Variants in PDE4D observed in about 807,000 individuals in gnomAD.
The protein encoded by PDE4D is 3',5'-cyclic-AMP phosphodiesterase 4D.
A neutral mutation model predicts 87.4 loss-of-function variants in PDE4D; 24 were observed. The ratio of observed to expected loss-of-function variants is 0.27; its 90% CI spans 0.20 to 0.39. PDE4D has a LOEUF of 0.39. Among genes scored for constraint, PDE4D ranks in the 10% least tolerant of loss-of-function variants. PDE4D has a pLI of 1.00. For synonymous variants in PDE4D, 384 were observed against 383.2 expected, an observed-to-expected ratio of 1.00 and a Z score of -0.02; for missense variants, 714 against 1,041.0, an observed-to-expected ratio of 0.69 and a Z score of 4.32.
rs575400336 is a variant in PDE4D at position 60,070,882 on chromosome 5, T to C, written c.43-82165A>G. 3.3e-5 allele frequency among the ~76,000 whole-genome samples: 5 copies of C among 152,190 alleles called. 1 individual carries two copies. The South Asian group carries it at 1.0e-3, about 32-fold the overall frequency. On this transcript the variant is annotated intron_variant, in intron 2 of 16. Transcript: ENST00000502484. ...ACTAGTTATAGGTCTGTTCGGACTT[T>C]CTGCTTCCTCAGAATCCAGTCTCGG...
intron 2 of PDE4D, chr5:60,021,173 CA>C (rs1195415544): frequency 7.2e-5 from 11 of 152,152 alleles, no homozygotes; most frequent in African/African-American, 2.7e-4. Context: ...CCCTCCTACA[CA>C]AAACCTCATT....
intron 1 of PDE4D, among the ~76,000 whole-genome samples, chr5:59,814,526 A>G (rs1768757074): frequency 6.6e-6 from 1 of 152,226 alleles, no homozygotes; most frequent in South Asian, 2.1e-4. Context: ...ACATGCAGGC[A>G]AATGACACCA....
chr5:59,249,182 GAAGAT>G (rs2153528176), intron 1 of PDE4D, among the ~76,000 whole-genome samples: 1 of 152,154 alleles, frequency 6.6e-6, no homozygotes, highest in Non-Finnish European at 1.5e-5. Flanking sequence ...AAAATTAACA[GAAGAT>G]AAATGGCTAA....
chr5:60,497,182 C>T (rs1027225969), intron 1 of PDE4D, among the ~76,000 whole-genome samples: 2 of 152,108 alleles, frequency 1.3e-5, no homozygotes, highest in African/African-American at 4.8e-5. Flanking sequence ...AGCCACCTGC[C>T]CTCCAAAAGG....
At chr5:59,449,678 T>C (rs1056054243) in intron 1 of PDE4D, among the ~76,000 whole-genome samples, 3 of 152,180 alleles carry the variant, frequency 2.0e-5, no homozygotes, top group Admixed American at 6.5e-5. Context: ...AAAATGCCTA[T>C]ATTCTAACAT....
chr5:60,308,961 C>CA (rs1754753690), intron 1 of PDE4D, among the ~76,000 whole-genome samples: 1 of 152,062 alleles, frequency 6.6e-6, no homozygotes, highest in Admixed American at 6.6e-5. Context: ...TGGCAGATTA[C>CA]AACCAAGTAG....
At chr5:59,794,042 T>C (rs1766141956) in intron 1 of PDE4D, among the ~76,000 whole-genome samples, 1 of 151,584 alleles carries the variant, frequency 6.6e-6, no homozygotes, top group Non-Finnish European at 1.5e-5. Context: ...CAGACACACA[T>C]GCACAGGCAC....
At chr5:60,102,084 G>A (rs1238517586) in intron 2 of PDE4D, among the ~76,000 whole-genome samples, 1 of 151,982 alleles carries the variant, frequency 6.6e-6, no homozygotes, top group Non-Finnish European at 1.5e-5. Context: ...GAGTATCAAA[G>A]AAATTAAAAA....
At chr5:60,303,587 G>T (rs560420982) in intron 1 of PDE4D, among the ~76,000 whole-genome samples, 2 of 152,262 alleles carry the variant, frequency 1.3e-5, no homozygotes, top group Non-Finnish European at 2.9e-5. Flanking sequence ...GATTACAGGC[G>T]TGAGCCACCG....
Position 59,979,421 on chromosome 5 carries a change from G to GGTGTGTGTGTGTGTGTGTGTGT in PDE4D, c.272+9045_272+9066dup, listed in dbSNP as rs60199601. Among the ~76,000 whole-genome samples, 419 of 147,718 alleles carry GGTGTGTGTGTGTGTGTGTGTGT rather than the reference G, an allele frequency of 2.8e-3. 1 individual carries two copies. Among genetic ancestry groups the GGTGTGTGTGTGTGTGTGTGTGT allele is most frequent in the Middle Eastern group, 7.0e-3 (2 of 286 alleles). On this transcript the variant is annotated intron_variant, in intron 3 of 16. Coordinates refer to the PDE4D transcript ENST00000502484. ...TATATCTAGCTTTCACACAGCAAGGGGTGTGTGTGTGTGTGTGTGTGTTTA... is the reference window on the plus strand; with the variant it reads ...TATATCTAGCTTTCACACAGCAAGGGGTGTGTGTGTGTGTGTGTGTGTGTGTGTGTGTGTGTGTGTGTGTTTA...
rs185176123 is a variant in PDE4D, at chr5:59,885,098, C to T, written c.455+8070G>A. Reference sequence around the variant, plus strand: ...TATTAAATAATTTATCCTTTTCTCACTGATTTGGACTGCTACCTTTACTAA... The same window carrying T: ...TATTAAATAATTTATCCTTTTCTCATTGATTTGGACTGCTACCTTTACTAA... On this transcript the variant is annotated intron_variant, in intron 1 of 14. Coordinates refer to ENST00000340635, the MANE Select transcript of PDE4D (RefSeq NM_001104631.2). 8.2e-4 allele frequency among the ~76,000 whole-genome samples: 124 copies of T among 151,954 alleles called. 1 individual carries two copies. Among genetic ancestry groups the T allele is most frequent in the Middle Eastern group, 3.4e-3 (1 of 294 alleles).
chr5:59,938,186 T>C lies in PDE4D; in HGVS notation c.272+50302A>G, dbSNP rs182736164. Reference sequence around the variant, plus strand: ...TATTAAATAGCACCCTTCAATTGCATTCAGGTTTTCAGAAAACCTATTATT... The same window carrying C: ...TATTAAATAGCACCCTTCAATTGCACTCAGGTTTTCAGAAAACCTATTATT... On this transcript the variant is annotated intron_variant, in intron 3 of 16. Coordinates refer to the PDE4D transcript ENST00000502484. Among the ~76,000 whole-genome samples the C allele has an allele frequency of 3.9e-5, 6 of 152,316 alleles. No homozygotes were observed. The East Asian group carries it at 9.7e-4, about 25-fold the overall frequency.
At chr5:59,758,526 T>C (rs1761567023) in intron 1 of PDE4D, among the ~76,000 whole-genome samples, 1 of 152,150 alleles carries the variant, frequency 6.6e-6, no homozygotes, top group Non-Finnish European at 1.5e-5. Flanking sequence ...GATTTTTCTG[T>C]TTTGCTTATT....
At chr5:60,132,224 T>C (rs971895224) in intron 2 of PDE4D, among the ~76,000 whole-genome samples, 7 of 152,228 alleles carry the variant, frequency 4.6e-5, no homozygotes, top group African/African-American at 1.7e-4. Context: ...AAACAACATT[T>C]GTTTATAAAT....
At chr5:59,285,589 G>T (rs529044353) in intron 1 of PDE4D, among the ~76,000 whole-genome samples, 1 of 152,228 alleles carries the variant, frequency 6.6e-6, no homozygotes, top group South Asian at 2.1e-4. Context: ...GTCTTATGCA[G>T]GCACTGAACC....
intron 1 of PDE4D, among the ~76,000 whole-genome samples, chr5:59,284,351 A>T (rs996830576): frequency 1.3e-5 from 2 of 152,162 alleles, no homozygotes; most frequent in Non-Finnish European, 2.9e-5. Flanking sequence ...ACAAGGCATT[A>T]TGGAGGCCCA....
chr5:58,997,825 C>A (rs1250143176), intron 6 of PDE4D, among the ~76,000 whole-genome samples: 1 of 152,086 alleles, frequency 6.6e-6, no homozygotes, highest in African/African-American at 2.4e-5. Context: ...TGCAATTCTT[C>A]AATTTACATT....
chr5:59,044,622 T>C lies in PDE4D; in HGVS notation c.809-5651A>G, dbSNP rs148626246. 7.8e-3 allele frequency among the ~76,000 whole-genome samples: 1,190 copies of C among 152,344 alleles called. 18 individuals carry two copies. The highest frequency in any genetic ancestry group is 0.027 in the African/African-American group (1,108 of 41,582). ...TCTATACATTTTATCTGATGGGAAATACATGAAGGCTTTGGATTCTCTTTC... is the reference window on the plus strand; with the variant it reads ...TCTATACATTTTATCTGATGGGAAACACATGAAGGCTTTGGATTCTCTTTC... On this transcript the variant is annotated intron_variant, in intron 5 of 14. Coordinates refer to ENST00000340635, the MANE Select transcript of PDE4D (RefSeq NM_001104631.2).
intron 1 of PDE4D, among the ~76,000 whole-genome samples, chr5:59,701,447 T>C (rs1458500161): frequency 6.6e-6 from 1 of 152,208 alleles, no homozygotes; most frequent in Non-Finnish European, 1.5e-5. Context: ...ACCTAGAACA[T>C]AGTACTGTAG....
Sources: gnomAD v4.1 joint callset for allele counts (sites outside exome capture counted in the v4.1 genomes callset) on GRCh38, gnomAD v4.1.1 for gene constraint, MANE v1.5 for transcripts, NCBI Gene and HGNC (gene_info 2026-07-23, HGNC 2026-07-21) for gene names.